Variants in CPA6 observed in about 807,000 individuals in gnomAD.
The protein encoded by CPA6 is carboxypeptidase B.
A neutral mutation model predicts 63.3 loss-of-function variants in CPA6; 58 were observed. That is an observed-to-expected ratio of 0.92 (90% CI 0.74 to 1.14). The LOEUF is 1.14. Ranked by LOEUF, CPA6 falls within the 50% of genes most tolerant of loss-of-function variation. CPA6 has a pLI of 0.00. For missense variants in CPA6, 565 were observed against 526.6 expected (o/e 1.07, Z -0.71); for synonymous variants, 185 against 179.0 (o/e 1.03, Z -0.27).
intron 8 of CPA6, 33 bp from the exon 9 acceptor site, chr8:67,434,273 G>C (rs375456613): frequency 6.4e-7 from 1 of 1,559,780 alleles, no homozygotes; most frequent in Non-Finnish European, 8.8e-7. Flanking sequence ...GGGTAAGGAA[G>C]TGGGCAGGGA....
chr8:67,427,150 T>G (rs530614892), intron 10 of CPA6, among the ~76,000 whole-genome samples: 1 of 152,220 alleles, frequency 6.6e-6, no homozygotes, highest in East Asian at 1.9e-4. Flanking sequence ...ATAAGAAGGG[T>G]GAGAAAATAG....
At chr8:67,623,473 G>A (rs1449277233) in intron 2 of CPA6, among the ~76,000 whole-genome samples, 1 of 151,854 alleles carries the variant, frequency 6.6e-6, no homozygotes, top group Non-Finnish European at 1.5e-5. Flanking sequence ...AGTGGCGACA[G>A]AGCAAGACCC....
At chr8:67,743,414 T>G (rs1206716058) in intron 1 of CPA6, among the ~76,000 whole-genome samples, 1 of 152,144 alleles carries the variant, frequency 6.6e-6, no homozygotes, top group African/African-American at 2.4e-5. Context: ...CAATGTAAAA[T>G]AAGCACATCG....
chr8:67,713,085 G>A lies in CPA6; in HGVS notation c.116+32929C>T, dbSNP rs1007698628. 2.3e-4 allele frequency among the ~76,000 whole-genome samples: 12 copies of A among 51,110 alleles called. No individual in the cohort carries two copies. The South Asian group carries it at 7.1e-3, about 30-fold the overall frequency. The allele number at this position is 51,110 out of a possible 152,430, so 33.5% of individuals were successfully genotyped here. ...AGCATGTGTGTATCTGTGTGTGTAT[G>A]TGTGTGTGTGTGTGTATATATATAT... On this transcript the variant is annotated intron_variant, in intron 1 of 10. Transcript: ENST00000297770.
chr8:67,523,530 A>T (rs1054205071), intron 2 of CPA6, among the ~76,000 whole-genome samples: 6 of 152,152 alleles, frequency 3.9e-5, no homozygotes, highest in African/African-American at 1.4e-4. Flanking sequence ...TTCCATCTCA[A>T]AAAACAAAAA....
At chr8:67,562,626 T>G (rs988892282) in intron 2 of CPA6, among the ~76,000 whole-genome samples, 9 of 152,162 alleles carry the variant, frequency 5.9e-5, no homozygotes, top group African/African-American at 2.2e-4. Flanking sequence ...GTGACGCTTT[T>G]GGGAGGTGAT....
chr8:67,715,095 T>C (rs1446493148), intron 1 of CPA6, among the ~76,000 whole-genome samples: 1 of 152,190 alleles, frequency 6.6e-6, no homozygotes, highest in Non-Finnish European at 1.5e-5. Flanking sequence ...GTTTTTGTTT[T>C]TTTTTCCCGA....
chr8:67,723,745 T>C (rs1817547156), intron 1 of CPA6, among the ~76,000 whole-genome samples: 2 of 152,112 alleles, frequency 1.3e-5, no homozygotes, highest in African/African-American at 4.8e-5. Flanking sequence ...CCTTATACTG[T>C]GTACAAAAAA....
intron 6 of CPA6, among the ~76,000 whole-genome samples, chr8:67,488,966 T>G (rs529961843): frequency 6.6e-6 from 1 of 152,098 alleles, no homozygotes; most frequent in African/African-American, 2.4e-5. Flanking sequence ...GACGATGGGG[T>G]TTTCTAAATA....
chr8:67,562,590 G>A (rs533154849), intron 2 of CPA6, among the ~76,000 whole-genome samples: 3 of 152,168 alleles, frequency 2.0e-5, no homozygotes, highest in Non-Finnish European at 2.9e-5. Flanking sequence ...CAAGGTGATG[G>A]TATTAGGAGG....
chr8:67,432,871 G>A (rs1810059485), intron 9 of CPA6, among the ~76,000 whole-genome samples: 1 of 152,158 alleles, frequency 6.6e-6, no homozygotes, highest in Admixed American at 6.5e-5. Context: ...AGGAACCTGC[G>A]ACTCTGCAGC....
intron 1 of CPA6, among the ~76,000 whole-genome samples, chr8:67,742,432 G>C (rs924014024): frequency 6.6e-6 from 1 of 152,164 alleles, no homozygotes; most frequent in Non-Finnish European, 1.5e-5. Context: ...GTCAGGCAGA[G>C]CTGGGTGAGA....
At chr8:67,463,981 G>A (rs1344946886) in intron 8 of CPA6, among the ~76,000 whole-genome samples, 1 of 152,118 alleles carries the variant, frequency 6.6e-6, no homozygotes, top group Non-Finnish European at 1.5e-5. Flanking sequence ...ATGAACACGC[G>A]AGCGCATGTG....
At chr8:67,496,555 A>ATATATATATATATATT (rs1199617624) in intron 6 of CPA6, among the ~76,000 whole-genome samples, 15 of 100,996 alleles carry the variant, frequency 1.5e-4, no homozygotes, top group African/African-American at 4.7e-4. Context: ...ATATATATAT[A>ATATATATATATATATT]TATTTATTTT....
intron 1 of CPA6, among the ~76,000 whole-genome samples, chr8:67,630,879 C>T (rs1420411024): frequency 3.3e-5 from 5 of 152,236 alleles, no homozygotes; most frequent in South Asian, 2.1e-4. Context: ...CCAGCAGCTG[C>T]GGAGGCTGCA....
At chr8:67,466,084 GTTTT>G (rs561313512) in intron 8 of CPA6, among the ~76,000 whole-genome samples, 1,417 of 96,096 alleles carry the variant, frequency 0.015, 9 homozygotes, top group Non-Finnish European at 0.024. Context: ...TCTGAGGCTT[GTTTT>G]TTTTTTTTTT....
At chr8:67,500,689 C>A (rs1417952255) in intron 6 of CPA6, among the ~76,000 whole-genome samples, 3 of 151,228 alleles carry the variant, frequency 2.0e-5, no homozygotes, top group African/African-American at 4.9e-5. Flanking sequence ...CATTTAAATT[C>A]ATGATCAATT....
At position 67,673,353 on chromosome 8, in the gene CPA6, T is replaced by TTTATTATTATTATTA. The variant is rs71253021; in HGVS notation, c.117-49117_117-49103dup. 2.5e-3 allele frequency among the ~76,000 whole-genome samples: 354 copies of TTTATTATTATTATTA among 140,094 alleles called. 5 individuals carry two copies. The highest frequency in any genetic ancestry group is 8.6e-3 in the African/African-American group (307 of 35,766). 91.9% of individuals were successfully genotyped at this position (140,094 alleles called of 152,430 possible). On this transcript the variant is annotated intron_variant, in intron 1 of 10. Coordinates refer to ENST00000297770, the MANE Select transcript of CPA6 (RefSeq NM_020361.5). ...ATTTTTATTTTATAATCTCTTTCAA[T>TTTATTATTATTATTA]TTATTATTATTATTATTATTATTAT... is the stretch of plus-strand genomic sequence containing the variant.
At chr8:67,731,505 A>G (rs1483320406) in intron 1 of CPA6, among the ~76,000 whole-genome samples, 1 of 152,230 alleles carries the variant, frequency 6.6e-6, no homozygotes, top group Non-Finnish European at 1.5e-5. Context: ...CTCAGGCTGG[A>G]CTGCTCTCTG....
Sources: allele counts gnomAD v4.1 joint callset (sites outside exome capture counted in the v4.1 genomes callset), GRCh38; gene constraint gnomAD v4.1.1; transcripts MANE v1.5; gene names NCBI Gene and HGNC (gene_info 2026-07-23, HGNC 2026-07-21).